ITPA: variants seen among roughly 807,000 people sequenced by gnomAD.
ITPA encodes the protein inosine triphosphate pyrophosphatase.
A neutral mutation model predicts 29.6 loss-of-function variants in ITPA; 29 were observed. The observed-to-expected ratio is 0.98, with a 90% CI of 0.73 to 1.34. The LOEUF is 1.34. ITPA is among the 40% of genes most tolerant of loss of function. The pLI is 0.00. For synonymous variants in ITPA, 103 were observed against 99.3 expected, an observed-to-expected ratio of 1.04 and a Z score of -0.22; for missense variants, 241 against 251.5, an observed-to-expected ratio of 0.96 and a Z score of 0.28.
intron 1 of ITPA, among the ~76,000 whole-genome samples, chr20:3,212,358 C>T (rs1211820840): frequency 2.0e-5 from 3 of 149,604 alleles, no homozygotes; most frequent in Non-Finnish European, 4.4e-5. Context: ...CTCACTCTGT[C>T]GCCTAAGGCT....
intron 5 of ITPA, among the ~76,000 whole-genome samples, chr20:3,216,672 G>A (rs1335997525): frequency 4.6e-5 from 7 of 151,402 alleles, no homozygotes; most frequent in African/African-American, 9.7e-5. Flanking sequence ...GGCTGGTCTC[G>A]AACTCCTGAC....
At chr20:3,214,501 G>T (rs1295809700) in intron 4 of ITPA, among the ~76,000 whole-genome samples, 1 of 150,244 alleles carries the variant, frequency 6.7e-6, no homozygotes, top group Non-Finnish European at 1.5e-5. Context: ...TGGGTAACTG[G>T]GACTACAGGT....
chr20:3,215,998 T>G (rs1228678205), intron 5 of ITPA, among the ~76,000 whole-genome samples: 1 of 151,706 alleles, frequency 6.6e-6, no homozygotes, highest in Admixed American at 6.6e-5. Flanking sequence ...TTTGTTTACT[T>G]ATTTATATTT....
At chr20:3,212,856 C>A (rs1290763785) in intron 1 of ITPA, among the ~76,000 whole-genome samples, 19 of 152,048 alleles carry the variant, frequency 1.2e-4, no homozygotes, top group Admixed American at 1.2e-3. Flanking sequence ...TTCTGGGTAT[C>A]TTCTGTTAGA....
intron 5 of ITPA, 64 bp downstream of exon 5, chr20:3,215,376 G>A (rs1207330951): frequency 3.6e-5 from 53 of 1,490,534 alleles, no homozygotes; most frequent in Non-Finnish European, 4.9e-5. Context: ...TTGTCTAGGG[G>A]AGGGACCCCA....
chr20:3,210,637 G>GA (rs1169864541), intron 1 of ITPA, among the ~76,000 whole-genome samples: 3 of 152,044 alleles, frequency 2.0e-5, no homozygotes, highest in Admixed American at 2.0e-4. Context: ...GCCTTTTGCC[G>GA]AAAAAAGGTT....
At chr20:3,221,799 T>A in intron 6 of ITPA, 42 bp from the exon 7 acceptor site, 1 of 1,591,618 alleles carries the variant, frequency 6.3e-7, no homozygotes. Context: ...GTGCTTGTCC[T>A]CTGGACCCAG....
chr20:3,224,114 G>A (rs1246305082), downstream of ITPA, among the ~76,000 whole-genome samples: 2 of 152,242 alleles, frequency 1.3e-5, no homozygotes, highest in Non-Finnish European at 2.9e-5. Flanking sequence ...TTGCTGGGTT[G>A]GGGGCTGGGT....
At chr20:3,225,528 T>TG (rs2067545252), downstream of ITPA, among the ~76,000 whole-genome samples, 1 of 152,136 alleles carries the variant, frequency 6.6e-6, no homozygotes, top group African/African-American at 2.4e-5. Flanking sequence ...GCCGACCATG[T>TG]GGGGGTTCCT....
downstream of ITPA, among the ~76,000 whole-genome samples, chr20:3,227,004 G>A (rs1234441127): frequency 2.6e-5 from 4 of 152,038 alleles, no homozygotes; most frequent in Non-Finnish European, 5.9e-5. Context: ...TCCAGGATCC[G>A]CACAACAGAT....
intron 1 of ITPA, among the ~76,000 whole-genome samples, chr20:3,210,474 G>T (rs776516581): frequency 7.2e-5 from 11 of 152,188 alleles, no homozygotes; most frequent in Non-Finnish European, 1.3e-4. Context: ...TGGAGTGGGG[G>T]TCATGTGTGG....
At chr20:3,221,737 G>A (rs1401226023) in intron 6 of ITPA, 104 bp from the exon 7 acceptor site, 1 of 1,084,680 alleles carries the variant, frequency 9.2e-7, no homozygotes, top group Non-Finnish European at 1.4e-6. Flanking sequence ...CGTAAGTTGG[G>A]TCAAATCAAA....
At chr20:3,222,783 G>T (rs2067498796) in intron 7 of ITPA, among the ~76,000 whole-genome samples, 1 of 152,218 alleles carries the variant, frequency 6.6e-6, no homozygotes. Flanking sequence ...AGCCATATGG[G>T]GCTGTGGAGC....
chr20:3,210,470 G>T (rs946997479), intron 1 of ITPA, among the ~76,000 whole-genome samples: 4 of 152,166 alleles, frequency 2.6e-5, no homozygotes, highest in Non-Finnish European at 5.9e-5. Flanking sequence ...GCCATGGAGT[G>T]GGGGTCATGT....
intron 1 of ITPA, among the ~76,000 whole-genome samples, chr20:3,211,077 AAGAAGAAG>A (rs2067160874): frequency 9.7e-6 from 1 of 102,602 alleles, no homozygotes; most frequent in Non-Finnish European, 2.2e-5. Context: ...AAAAAAAAAA[AAGAAGAAG>A]AAGAAGAAGA....
upstream of ITPA, among the ~76,000 whole-genome samples, chr20:3,205,039 TG>T (rs1288997365): frequency 1.3e-5 from 2 of 151,718 alleles, no homozygotes; most frequent in Admixed American, 1.3e-4. Flanking sequence ...TTAGTAGAGA[TG>T]GGGGTTTCAC....
At chr20:3,224,278 G>A (rs2122469772), downstream of ITPA, among the ~76,000 whole-genome samples, 1 of 152,386 alleles carries the variant, frequency 6.6e-6, no homozygotes, top group South Asian at 2.1e-4. Flanking sequence ...TCAGCCTGCG[G>A]GCTGCAGGCC....
intron 6 of ITPA, among the ~76,000 whole-genome samples, chr20:3,219,746 CAAAA>C (rs34376287): frequency 8.7e-6 from 1 of 115,162 alleles, no homozygotes. Flanking sequence ...ACTCCGTCTC[CAAAA>C]AAAAAAAAAA....
In ITPA at chr20:3,221,902, A is replaced by G; in HGVS notation, c.473A>G (p.Asp158Gly). ...DFGWDPCFQPDGYEQTYAEMP... is the reference protein window; with the variant it reads ...DFGWDPCFQPGGYEQTYAEMP... ...GGCTGGGACCCCTGCTTTCAGCCTGATGGATATGAGCAGACGTAAGGAGCC... is the reference window on the plus strand; with the variant it reads ...GGCTGGGACCCCTGCTTTCAGCCTGGTGGATATGAGCAGACGTAAGGAGCC... The change falls in exon 7 of 8, where the codon GAT (aspartate) becomes GGT (glycine). Residue 158 changes from aspartate (D) to glycine (G), a missense_variant. Physicochemically the swap from Asp to Gly is moderately conservative, Grantham distance 94. Transcript: ENST00000380113. 6.2e-7 allele frequency: 1 copy of G among 1,613,942 alleles called. No homozygotes were observed. Among genetic ancestry groups the G allele is most frequent in the Non-Finnish European group, 8.5e-7 (1 of 1,180,006 alleles).
Sources: gnomAD v4.1 joint callset for allele counts (sites outside exome capture counted in the v4.1 genomes callset) on GRCh38, gnomAD v4.1.1 for gene constraint, MANE v1.5 for transcripts, NCBI Gene and HGNC (gene_info 2026-07-23, HGNC 2026-07-21) for gene names.